SDK2: variants seen among roughly 807,000 people sequenced by gnomAD.
SDK2 encodes sidekick cell adhesion molecule 2, also known as protein sidekick-2.
In SDK2, 105 loss-of-function variants were observed where a neutral mutation model predicts 253.9. The observed-to-expected ratio is 0.41, with a 90% CI of 0.35 to 0.49. SDK2 has a LOEUF of 0.49. Among genes scored for constraint, SDK2 ranks in the 20% least tolerant of loss-of-function variants. The pLI, the probability that SDK2 is intolerant of heterozygous loss-of-function variation, is 0.06. For missense variants in SDK2, 2,608 were observed against 3,003.0 expected (o/e 0.87, Z 3.07); for synonymous variants, 1,249 against 1,234.9 (o/e 1.01, Z -0.24).
intron 1 of SDK2, among the ~76,000 whole-genome samples, chr17:73,532,441 G>C (rs966418169): frequency 2.0e-5 from 3 of 152,064 alleles, no homozygotes; most frequent in African/African-American, 7.2e-5. Context: ...GGCCTGGGCT[G>C]CGAAGAAAAG....
At chr17:73,589,452 C>G (rs189622406) in intron 1 of SDK2, among the ~76,000 whole-genome samples, 1 of 152,240 alleles carries the variant, frequency 6.6e-6, no homozygotes, top group African/African-American at 2.4e-5. Flanking sequence ...AGGCAAGGGA[C>G]GTGGCCTTGG....
At chr17:73,599,359 C>T (rs190430136) in intron 1 of SDK2, among the ~76,000 whole-genome samples, 411 of 152,184 alleles carry the variant, frequency 2.7e-3, no homozygotes, top group African/African-American at 9.2e-3. Context: ...TGGCGAAACC[C>T]CATCTCTACC....
rs759842082 is a variant in SDK2, at chr17:73,612,336, C to G, written c.64+31689G>C. 6.6e-6 allele frequency among the ~76,000 whole-genome samples: 1 copy of G among 151,898 alleles called. No homozygotes were observed. Among genetic ancestry groups the G allele is most frequent in the Non-Finnish European group, 1.5e-5 (1 of 67,966 alleles). ...CCCTACCCTCATCGGGTCACTGTGACCCAGCTGCACCTGGGCTGCAGGCTG... is the reference window on the plus strand; with the variant it reads ...CCCTACCCTCATCGGGTCACTGTGAGCCAGCTGCACCTGGGCTGCAGGCTG... On this transcript the variant is annotated intron_variant, in intron 1 of 44. Coordinates refer to ENST00000392650, the MANE Select transcript of SDK2 (RefSeq NM_001144952.2). The surrounding 1 kb of genome is among the most constrained non-coding windows in gnomAD (Gnocchi z 4.4).
chr17:73,367,526 G>A (rs1383046151), intron 37 of SDK2, among the ~76,000 whole-genome samples: 2 of 149,380 alleles, frequency 1.3e-5, no homozygotes, highest in South Asian at 4.3e-4. Context: ...TTGGGACAGA[G>A]TCTTACTCTG....
At chr17:73,523,726 T>C (rs1261427066) in intron 1 of SDK2, among the ~76,000 whole-genome samples, 6 of 152,090 alleles carry the variant, frequency 3.9e-5, no homozygotes, top group Non-Finnish European at 8.8e-5. Context: ...AGCCACCCAG[T>C]TGAGGTACTT....
chr17:73,350,649 C>A lies in SDK2; in HGVS notation c.5899+1G>T. The A allele has an allele frequency of 6.2e-7, 1 of 1,609,314 alleles. No homozygotes were observed. The highest frequency in any genetic ancestry group is 8.5e-7 in the Non-Finnish European group (1 of 1,177,956). On this transcript the variant is annotated splice_donor_variant, in intron 42 of 44. Transcript: ENST00000392650. LOFTEE classifies it high-confidence loss of function. ...AGCATGGCTGGTGCCAGCTCACTCA[C>A]CCGAGTCTGTCTTCTTGGCGTACTT...
At position 73,388,021 on chromosome 17, in the gene SDK2, G is replaced by A. The variant is rs754789240; in HGVS notation, c.4209C>T (p.Pro1403=). Residue 1403 remains proline, a synonymous_variant, in exon 30 of 45, where the codon CCC becomes CCT. Coordinates refer to ENST00000392650, the MANE Select transcript of SDK2 (RefSeq NM_001144952.2). ...CCTCCTGCTGCACCATCGGCCTGCT[G>A]GGGGGCTGCGGACGGTCTGGGAGGT... ...TTEKRDRPQP[P]SRPMVQQEDV... is the part of the protein sequence containing the mutation. 4.5e-6 allele frequency: 7 copies of A among 1,566,848 alleles called. No individual in the cohort carries two copies. Among genetic ancestry groups the A allele is most frequent in the Non-Finnish European group, 6.1e-6 (7 of 1,156,780 alleles).
At chr17:73,569,752 C>T (rs1409026534) in intron 1 of SDK2, among the ~76,000 whole-genome samples, 1 of 151,844 alleles carries the variant, frequency 6.6e-6, no homozygotes, top group Non-Finnish European at 1.5e-5. Flanking sequence ...GAAAAGAAAA[C>T]TGGGTCAATC....
intron 14 of SDK2, among the ~76,000 whole-genome samples, chr17:73,423,041 A>AATAAATAAATAGATAG (rs61207815): frequency 6.6e-6 from 1 of 151,372 alleles, no homozygotes; most frequent in African/African-American, 2.4e-5. Context: ...TAAATAAATA[A>AATAAATAAATAGATAG]ATAATAAATA....
chr17:73,477,135 G>A (rs2063691758), intron 2 of SDK2, among the ~76,000 whole-genome samples: 1 of 152,174 alleles, frequency 6.6e-6, no homozygotes, highest in Non-Finnish European at 1.5e-5. Context: ...CCAGCTTCTC[G>A]GTTTGTGAGT....
At chr17:73,375,919 G>T (rs1302536919) in intron 36 of SDK2, among the ~76,000 whole-genome samples, 1 of 151,336 alleles carries the variant, frequency 6.6e-6, no homozygotes, top group Non-Finnish European at 1.5e-5. Flanking sequence ...TTTCAGGCTG[G>T]ATGCGCTGGC....
intron 1 of SDK2, chr17:73,516,901 G>C (rs745628723): frequency 6.6e-6 from 1 of 152,270 alleles, no homozygotes; most frequent in Non-Finnish European, 1.5e-5. Context: ...CACCAGGGCA[G>C]CTAGTGCAAC....
chr17:73,345,736 ACT>A (rs2062477607), intron 44 of SDK2, among the ~76,000 whole-genome samples: 1 of 151,724 alleles, frequency 6.6e-6, no homozygotes, highest in African/African-American at 2.4e-5. Context: ...GGCCTTCCCA[ACT>A]CTCTTTTTCA....
chr17:73,367,530 T>C (rs2062696111), intron 37 of SDK2, among the ~76,000 whole-genome samples: 1 of 151,620 alleles, frequency 6.6e-6, no homozygotes, highest in East Asian at 2.0e-4. Context: ...GACAGAGTCT[T>C]ACTCTGTCAC....
chr17:73,399,087 C>T (rs567717598), intron 22 of SDK2, 81 bp downstream of exon 22: 23 of 1,450,902 alleles, frequency 1.6e-5, no homozygotes, highest in Non-Finnish European at 2.0e-5. Flanking sequence ...TCACACAGGC[C>T]GAAATACACA....
rs1007732765 is a variant in SDK2, at chr17:73,496,884, C to T, written c.224+10554G>A. On this transcript the variant is annotated intron_variant, in intron 2 of 44. Transcript: ENST00000392650. This position sits in a 1 kb window ranked among gnomAD's most constrained non-coding sequence, Gnocchi z 4.7. Reference sequence around the variant, plus strand: ...CTTCTATGTCCCTAAATTGAGCTGACGATTTATTTATTTGTTTTTATTTAT... The same window carrying T: ...CTTCTATGTCCCTAAATTGAGCTGATGATTTATTTATTTGTTTTTATTTAT... 1.3e-5 allele frequency among the ~76,000 whole-genome samples: 2 copies of T among 152,074 alleles called. No homozygotes were observed. The highest frequency in any genetic ancestry group is 6.6e-5 in the Admixed American group (1 of 15,254).
intron 24 of SDK2, among the ~76,000 whole-genome samples, chr17:73,397,368 C>T (rs1384253727): frequency 1.3e-5 from 2 of 152,108 alleles, no homozygotes; most frequent in East Asian, 1.9e-4. Flanking sequence ...TGTGGACTTG[C>T]GGGTAAAGAT....
At chr17:73,420,207 T>A (rs2145581137) in intron 15 of SDK2, among the ~76,000 whole-genome samples, 1 of 152,386 alleles carries the variant, frequency 6.6e-6, no homozygotes, top group Admixed American at 6.5e-5. Context: ...GTGTTCTGCC[T>A]AAGTGTACTT....
intron 1 of SDK2, among the ~76,000 whole-genome samples, chr17:73,574,518 C>T (rs1288367366): frequency 6.6e-6 from 1 of 152,182 alleles, no homozygotes; most frequent in Non-Finnish European, 1.5e-5. Flanking sequence ...GTAGCTGCAA[C>T]TTCAGGAGAC....
Sources: gnomAD v4.1 joint callset for allele counts (sites outside exome capture counted in the v4.1 genomes callset) on GRCh38, gnomAD v4.1.1 for gene constraint, Gnocchi (gnomAD v3.1) non-coding constraint, MANE v1.5 for transcripts, NCBI Gene and HGNC (gene_info 2026-07-23, HGNC 2026-07-21) for gene names.